IER3IP1: variants seen among roughly 807,000 people sequenced by gnomAD.
The protein encoded by IER3IP1 is immediate early response 3 interacting protein 1.
Under a neutral mutation model 12.2 loss-of-function variants are expected in IER3IP1, and 16 were observed. That is an observed-to-expected ratio of 1.31 (90% CI 0.89 to 1.99). IER3IP1 has a LOEUF of 1.99. Ranked by LOEUF, IER3IP1 falls within the 30% of genes most tolerant of loss-of-function variation. The pLI is 0.00. For synonymous variants in IER3IP1, 42 were observed against 40.0 expected (o/e 1.05, Z -0.19); for missense variants, 95 against 95.8 (o/e 0.99, Z 0.03).
chr18:47,165,860 G>A (rs2063994467), intron 1 of IER3IP1, among the ~76,000 whole-genome samples: 1 of 152,218 alleles, frequency 6.6e-6, no homozygotes, highest in Non-Finnish European at 1.5e-5. Context: ...CCTGATCCTG[G>A]ACTTCCAGGC....
intron 1 of IER3IP1, among the ~76,000 whole-genome samples, chr18:47,163,184 AAT>A (rs753612891): frequency 7.9e-5 from 12 of 152,322 alleles, no homozygotes; most frequent in African/African-American, 1.2e-4. Context: ...CTCATAATAA[AAT>A]AGAGTAATTA....
intron 1 of IER3IP1, among the ~76,000 whole-genome samples, chr18:47,167,015 G>C (rs1418031288): frequency 6.6e-6 from 1 of 151,530 alleles, no homozygotes; most frequent in Non-Finnish European, 1.5e-5. Context: ...AGACGGCAAA[G>C]TATTAATATT....
Position 47,153,712 on chromosome 18 carries a change from G to A in IER3IP1, c.*2465C>T, listed in dbSNP as rs556222050. ...TTCCAGCTCCATCCATGTTCCCACA[G>A]AAGGTATTATCTAATTCTTTTTTAT... is the stretch of plus-strand genomic sequence containing the variant. On this transcript the variant is annotated 3_prime_UTR_variant, in exon 3 of 3. Transcript: ENST00000256433. 6.6e-6 allele frequency: 1 copy of A among 152,290 alleles called. No homozygotes were observed. Among genetic ancestry groups the A allele is most frequent in the South Asian group, 2.1e-4 (1 of 4,824 alleles). The allele number at this position is 152,290 out of a possible 1,614,324, so 9.4% of individuals were successfully genotyped here.
intron 2 of IER3IP1, 189 bp downstream of exon 2, chr18:47,157,247 T>A: frequency 6.6e-6 from 4 of 610,614 alleles, no homozygotes; most frequent in Non-Finnish European, 1.1e-5. Flanking sequence ...ACCAACTGGC[T>A]TAGATAGAAG....
At chr18:47,159,761 A>G (rs2063973706) in intron 1 of IER3IP1, among the ~76,000 whole-genome samples, 1 of 152,130 alleles carries the variant, frequency 6.6e-6, no homozygotes, top group Admixed American at 6.5e-5. Context: ...CTACGTCACA[A>G]TGAATAGCTG....
chr18:47,168,182 G>A (rs1054272122), intron 1 of IER3IP1, among the ~76,000 whole-genome samples: 1 of 134,958 alleles, frequency 7.4e-6, no homozygotes, highest in African/African-American at 2.8e-5. Flanking sequence ...GTGGGTTCCT[G>A]TAATCCCAGC....
chr18:47,156,637 T>G (rs1039470295), intron 2 of IER3IP1, among the ~76,000 whole-genome samples: 2 of 152,264 alleles, frequency 1.3e-5, no homozygotes, highest in African/African-American at 4.8e-5. Context: ...TTATTTAACA[T>G]TGTATCCAAG....
chr18:47,174,452 C>T (rs1323083822), intron 1 of IER3IP1, among the ~76,000 whole-genome samples: 1 of 152,080 alleles, frequency 6.6e-6, no homozygotes, highest in Non-Finnish European at 1.5e-5. Flanking sequence ...GGGCAGATCA[C>T]GAGGTCAGGA....
intron 1 of IER3IP1, 28 bp from the exon 2 acceptor site, chr18:47,157,565 A>G (rs1188447563): frequency 6.3e-7 from 1 of 1,591,982 alleles, no homozygotes; most frequent in East Asian, 2.2e-5. Flanking sequence ...TAGCTGTGTT[A>G]AAAGTTATTA....
chr18:47,154,083 C>G lies in IER3IP1; in HGVS notation c.*2094G>C, dbSNP rs2063950173. On this transcript the variant is annotated 3_prime_UTR_variant, in exon 3 of 3. Transcript: ENST00000256433. ...GTTCAGAGACATGCAAACACAGGGC[C>G]AGAATACATAAGGACTATAAACATC... 1 of 152,180 alleles carries G rather than the reference C, an allele frequency of 6.6e-6. No homozygotes were observed. Among genetic ancestry groups the G allele is most frequent in the South Asian group, 2.1e-4 (1 of 4,822 alleles). The allele number at this position is 152,180 out of a possible 1,614,324, so 9.4% of individuals were successfully genotyped here.
chr18:47,176,289 G>A lies in IER3IP1; in HGVS notation c.-12C>T, dbSNP rs776047187. 1.3e-6 allele frequency: 2 copies of A among 1,598,110 alleles called. No individual in the cohort carries two copies. Among genetic ancestry groups the A allele is most frequent in the South Asian group, 2.2e-5 (2 of 88,920 alleles). ...AGGGTAAAGGCCATGGCCGTCCGAGGCCGCCCCGAAGTCCAAGCGATTTCT... is the reference window on the plus strand; with the variant it reads ...AGGGTAAAGGCCATGGCCGTCCGAGACCGCCCCGAAGTCCAAGCGATTTCT... On this transcript the variant is annotated 5_prime_UTR_variant, in exon 1 of 3. Coordinates refer to ENST00000256433, the MANE Select transcript of IER3IP1 (RefSeq NM_016097.5).
At chr18:47,170,772 T>C (rs77149690) in intron 1 of IER3IP1, among the ~76,000 whole-genome samples, 7,997 of 152,206 alleles carry the variant, frequency 0.053, 258 homozygotes, top group East Asian at 0.092. Context: ...TTTGTCCTAA[T>C]AGCCTTGTAG....
intron 1 of IER3IP1, among the ~76,000 whole-genome samples, chr18:47,168,236 A>G (rs2064003163): frequency 6.8e-6 from 1 of 146,094 alleles, no homozygotes; most frequent in Non-Finnish European, 1.5e-5. Flanking sequence ...TGGGAGGCAG[A>G]GGATGCAGTG....
rs2064017934 is a variant in IER3IP1 at position 47,172,303 on chromosome 18, T to C, written c.91+3884A>G. On this transcript the variant is annotated intron_variant, in intron 1 of 2. Transcript: ENST00000256433. This position sits in a 1 kb window ranked among gnomAD's most constrained non-coding sequence, Gnocchi z 4.0. ...CTTTTCCTCCAACTTAAAGATAACA[T>C]TGGATAATATTACTGTCTCCATTTT... Among the ~76,000 whole-genome samples, 1 of 152,158 alleles carries C rather than the reference T, an allele frequency of 6.6e-6. No individual in the cohort carries two copies. The highest frequency in any genetic ancestry group is 6.5e-5 in the Admixed American group (1 of 15,284).
At chr18:47,170,480 T>C (rs933388590) in intron 1 of IER3IP1, among the ~76,000 whole-genome samples, 4 of 152,108 alleles carry the variant, frequency 2.6e-5, no homozygotes, top group Non-Finnish European at 4.4e-5. Context: ...TATAAATCAA[T>C]ATTAAGTACT....
intron 1 of IER3IP1, among the ~76,000 whole-genome samples, chr18:47,167,889 C>A (rs1365821368): frequency 6.6e-6 from 1 of 151,762 alleles, no homozygotes. Flanking sequence ...TTTAGGAAGC[C>A]GACGCGGGTG....
intron 1 of IER3IP1, among the ~76,000 whole-genome samples, chr18:47,165,524 G>A (rs1246788881): frequency 4.1e-5 from 6 of 147,662 alleles, no homozygotes; most frequent in African/African-American, 1.5e-4. Flanking sequence ...CTGCACTCCA[G>A]CCTGGGGGAC....
At position 47,169,912 on chromosome 18, in the gene IER3IP1, A is replaced by G. The variant is rs149260806; in HGVS notation, c.91+6275T>C. Among the ~76,000 whole-genome samples the G allele has an allele frequency of 1.9e-3, 293 of 152,280 alleles. 1 individual carries two copies. The highest frequency in any genetic ancestry group is 6.6e-3 in the African/African-American group (275 of 41,586). ...ACAGTCTGTGGTTGTCTTTTAAAGC[A>G]TGAACTTTTTAAAATTTTGATGAAA... On this transcript the variant is annotated intron_variant, in intron 1 of 2. Coordinates refer to ENST00000256433, the MANE Select transcript of IER3IP1 (RefSeq NM_016097.5).
intron 1 of IER3IP1, 97 bp downstream of exon 1, chr18:47,176,090 G>A: frequency 2.0e-6 from 2 of 996,244 alleles, no homozygotes; most frequent in South Asian, 1.4e-5. Context: ...CTGTTCTTCT[G>A]TCCCGGCCCT....
Sources: allele counts gnomAD v4.1 joint callset (sites outside exome capture counted in the v4.1 genomes callset), GRCh38; gene constraint gnomAD v4.1.1; non-coding constraint Gnocchi (gnomAD v3.1); transcripts MANE v1.5; gene names NCBI Gene and HGNC (gene_info 2026-07-23, HGNC 2026-07-21).